The following PAPPA2 variants were observed in gnomAD, a reference collection of about 807,000 sequenced individuals.
PAPPA2 encodes the protein pappalysin 2.
Under a neutral mutation model 176.4 loss-of-function variants are expected in PAPPA2, and 86 were observed. That is an observed-to-expected ratio of 0.49 (90% CI 0.41 to 0.58). The LOEUF is 0.58. PAPPA2 is among the 20% of genes least tolerant of loss of function. The pLI is 0.00. For synonymous variants in PAPPA2, 809 were observed against 852.2 expected (o/e 0.95, Z 0.88); for missense variants, 2,073 against 2,256.9 (o/e 0.92, Z 1.65).
chr1:176,548,274 T>G (rs1395673957), intron 1 of PAPPA2, among the ~76,000 whole-genome samples: 1 of 152,132 alleles, frequency 6.6e-6, no homozygotes, highest in Non-Finnish European at 1.5e-5. Flanking sequence ...GTTGGCTATT[T>G]GTCTCTTAGA....
chr1:176,695,598 C>G, intron 6 of PAPPA2, 140 bp from the exon 7 acceptor site: 1 of 924,052 alleles, frequency 1.1e-6, no homozygotes, highest in South Asian at 1.7e-5. Context: ...GATTGAGATA[C>G]AGTTGTTCTT....
chr1:176,499,414 G>A (rs149177020), intron 1 of PAPPA2, among the ~76,000 whole-genome samples: 1 of 152,134 alleles, frequency 6.6e-6, no homozygotes, highest in Non-Finnish European at 1.5e-5. Context: ...TTATTCCAAA[G>A]ATCTATAAAA....
At chr1:176,733,532 A>G (rs534206495) in intron 12 of PAPPA2, among the ~76,000 whole-genome samples, 2 of 152,258 alleles carry the variant, frequency 1.3e-5, no homozygotes, top group African/African-American at 4.8e-5. Context: ...TTTTTACATG[A>G]AAGCTTTTTC....
intron 3 of PAPPA2, among the ~76,000 whole-genome samples, chr1:176,629,586 A>G (rs1005954064): frequency 6.6e-6 from 1 of 152,214 alleles, no homozygotes; most frequent in African/African-American, 2.4e-5. Context: ...AGCAGGTAAT[A>G]AAGAAAGGAA....
intron 1 of PAPPA2, among the ~76,000 whole-genome samples, chr1:176,514,006 A>G (rs1468466355): frequency 6.6e-6 from 1 of 152,186 alleles, no homozygotes; most frequent in East Asian, 1.9e-4. Flanking sequence ...GAGGCTTATT[A>G]CCACAATTTT....
rs140264336 is a variant in PAPPA2, at chr1:176,744,736, A to G, written c.4151+4540A>G. 6.6e-5 allele frequency among the ~76,000 whole-genome samples: 10 copies of G among 152,310 alleles called. 1 individual carries two copies. The East Asian group carries it at 1.7e-3, about 26-fold the overall frequency. On this transcript the variant is annotated intron_variant, in intron 14 of 22. Coordinates refer to ENST00000367662, the MANE Select transcript of PAPPA2 (RefSeq NM_020318.3). Reference sequence around the variant, plus strand: ...TTTTTTCTTTTAGTTTGGCTTCATTACTATTCTCTCTTTTTCAGGAAACAA... The same window carrying G: ...TTTTTTCTTTTAGTTTGGCTTCATTGCTATTCTCTCTTTTTCAGGAAACAA...
intron 17 of PAPPA2, among the ~76,000 whole-genome samples, chr1:176,781,906 A>G (rs1571319363): frequency 6.6e-6 from 1 of 152,338 alleles, no homozygotes; most frequent in East Asian, 1.9e-4. Flanking sequence ...CAGTTCAAAA[A>G]TGGACCATGT....
chr1:176,807,619 C>T (rs1665962182), intron 21 of PAPPA2, among the ~76,000 whole-genome samples: 1 of 151,800 alleles, frequency 6.6e-6, no homozygotes, highest in South Asian at 2.1e-4. Flanking sequence ...CCTCAGCCTA[C>T]CAAGCAGCTG....
chr1:176,833,628 TAG>T (rs1054549038), intron 21 of PAPPA2, among the ~76,000 whole-genome samples: 1 of 152,172 alleles, frequency 6.6e-6, no homozygotes, highest in Non-Finnish European at 1.5e-5. Flanking sequence ...AGAATATTGT[TAG>T]GTTTTATCTA....
intron 2 of PAPPA2, among the ~76,000 whole-genome samples, chr1:176,575,839 G>A (rs1296471622): frequency 6.6e-6 from 1 of 152,160 alleles, no homozygotes; most frequent in African/African-American, 2.4e-5. Context: ...TCTGTACTTA[G>A]GAAATTAACA....
chr1:176,695,351 T>A (rs1660326810), intron 6 of PAPPA2, among the ~76,000 whole-genome samples: 1 of 152,200 alleles, frequency 6.6e-6, no homozygotes. Context: ...AATTATTGCC[T>A]GTTTTAGTGG....
chr1:176,690,931 A>T, intron 5 of PAPPA2: 1 of 950,656 alleles, frequency 1.1e-6, no homozygotes, highest in Non-Finnish European at 1.2e-6. Context: ...AAAAAAAAAA[A>T]TCAGATTCTC....
intron 3 of PAPPA2, among the ~76,000 whole-genome samples, chr1:176,599,190 CAT>C (rs146135229): frequency 0.16 from 23,521 of 149,426 alleles, 1,916 homozygotes; most frequent in Middle Eastern, 0.22. Flanking sequence ...TATGTATGTA[CAT>C]ATATATATAT....
rs36112782 is a variant in PAPPA2, at chr1:176,556,834, C to G, written c.512C>G (p.Thr171Ser). 4.5e-3 allele frequency: 7,254 copies of G among 1,613,962 alleles called. 204 individuals are homozygous for G. The African/African-American group carries it at 0.073, about 16-fold the overall frequency. ...CAGAAAGGCTCAGCCATGGCTGCCACTACTACCACCGCCATTTTCACAACC... is the reference window on the plus strand; with the variant it reads ...CAGAAAGGCTCAGCCATGGCTGCCAGTACTACCACCGCCATTTTCACAACC... The part of the protein sequence containing the change: ...GIQKGSAMAA[T>S]TTTAIFTTLN... Residue 171 changes from threonine to serine, a missense_variant, in exon 2 of 23, where the codon ACT (threonine) becomes AGT (serine). Physicochemically the swap from Thr to Ser is moderately conservative, Grantham distance 58. This residue lies in a region of PAPPA2 where 1,196 missense variants were observed against 1,330.4 expected (regional missense o/e 0.90). Coordinates refer to ENST00000367662, the MANE Select transcript of PAPPA2 (RefSeq NM_020318.3).
intron 9 of PAPPA2, 41 bp downstream of exon 9, chr1:176,702,776 T>TGTGTGTGTGTGTGA: frequency 8.7e-7 from 1 of 1,145,106 alleles, no homozygotes; most frequent in South Asian, 1.6e-5. Context: ...TGTGTGTGTG[T>TGTGTGTGTGTGTGA]GAGAGAGAGA....
chr1:176,548,471 A>G (rs959942482), intron 1 of PAPPA2, among the ~76,000 whole-genome samples: 1 of 152,168 alleles, frequency 6.6e-6, no homozygotes, highest in Non-Finnish European at 1.5e-5. Context: ...AAGTCCCAAG[A>G]AAGATCTTTC....
chr1:176,521,300 A>T (rs1649204416), intron 1 of PAPPA2, among the ~76,000 whole-genome samples: 1 of 152,176 alleles, frequency 6.6e-6, no homozygotes, highest in African/African-American at 2.4e-5. Flanking sequence ...CTTCAGAAAT[A>T]TACAGCTTCT....
chr1:176,670,835 C>A, intron 3 of PAPPA2, 135 bp from the exon 4 acceptor site: 1 of 1,025,738 alleles, frequency 9.7e-7, no homozygotes, highest in Non-Finnish European at 1.4e-6. Context: ...TCATGACAGG[C>A]TGGTCTCTGC....
chr1:176,639,839 T>C (rs1656964333), intron 3 of PAPPA2, among the ~76,000 whole-genome samples: 4 of 151,924 alleles, frequency 2.6e-5, no homozygotes, highest in Admixed American at 2.6e-4. Flanking sequence ...TTTCATGTAC[T>C]TGGTATTTTG....
Sources: gnomAD v4.1 joint callset for allele counts (sites outside exome capture counted in the v4.1 genomes callset) on GRCh38, gnomAD v4.1.1 for gene constraint, gnomAD v4.1.1 regional missense constraint, MANE v1.5 for transcripts, NCBI Gene and HGNC (gene_info 2026-07-23, HGNC 2026-07-21) for gene names.